EHBP1: variants seen among roughly 807,000 people sequenced by gnomAD.
The protein encoded by EHBP1 is EH domain binding protein 1.
A neutral mutation model predicts 144.0 loss-of-function variants in EHBP1; 55 were observed. The ratio of observed to expected loss-of-function variants is 0.38; its 90% confidence interval spans 0.31 to 0.48. EHBP1 has a LOEUF of 0.48. EHBP1 is among the 20% of genes least tolerant of loss of function. The probability of loss-of-function intolerance (pLI) is 0.98; values close to 1 mark genes in which losing one functional copy is unlikely to be tolerated. For missense variants in EHBP1, 1,200 were observed against 1,364.2 expected (o/e 0.88, Z 1.90); for synonymous variants, 469 against 472.7 (o/e 0.99, Z 0.10).
intron 14 of EHBP1, among the ~76,000 whole-genome samples, chr2:62,966,277 AT>A (rs201875669): frequency 1.3e-5 from 2 of 152,066 alleles, no homozygotes; most frequent in Non-Finnish European, 2.9e-5. Context: ...GAATAGTTAG[AT>A]TTTTTCCCCC....
At chr2:63,021,809 C>T (rs1187589821) in intron 19 of EHBP1, among the ~76,000 whole-genome samples, 5 of 151,940 alleles carry the variant, frequency 3.3e-5, no homozygotes, top group African/African-American at 7.3e-5. Context: ...CACTGTCGCC[C>T]GGGCTAGAGT....
chr2:62,729,708 G>T (rs956360445), intron 2 of EHBP1, among the ~76,000 whole-genome samples: 1 of 149,868 alleles, frequency 6.7e-6, no homozygotes, highest in African/African-American at 2.5e-5. Flanking sequence ...TGGGAGTAAA[G>T]TCCTAGAAAT....
Position 62,870,733 on chromosome 2 carries a change from A to T in EHBP1, c.999-3613A>T, listed in dbSNP as rs1003793906. Among the ~76,000 whole-genome samples, 303 of 147,914 alleles carry T rather than the reference A, an allele frequency of 2.0e-3. 1 individual carries two copies. The highest frequency in any genetic ancestry group is 6.9e-3 in the African/African-American group (277 of 40,244). On this transcript the variant is annotated intron_variant, in intron 9 of 22. Coordinates refer to ENST00000431489, the MANE Select transcript of EHBP1 (RefSeq NM_001142616.3). ...TGCATCTCAAAAAAAAAAAAAAAAAAAATACATATATATATATGTATTTAA... is the reference window on the plus strand; with the variant it reads ...TGCATCTCAAAAAAAAAAAAAAAAATAATACATATATATATATGTATTTAA...
Position 62,687,325 on chromosome 2 carries a change from C to T in EHBP1, c.-296+13242C>T, listed in dbSNP as rs548522467. 4.6e-5 allele frequency among the ~76,000 whole-genome samples: 7 copies of T among 152,286 alleles called. No individual in the cohort carries two copies. The South Asian group carries it at 8.3e-4, about 18-fold the overall frequency. On this transcript the variant is annotated intron_variant, in intron 1 of 22. Transcript: ENST00000405015. The stretch of plus-strand genomic sequence containing the variant: ...TTGATGGAAGGAGGTAGAAAACCTT[C>T]GTTTTGAATATTGGAAATAATAAAG...
chr2:62,950,866 G>T (rs1238941634), intron 13 of EHBP1, among the ~76,000 whole-genome samples: 1 of 152,042 alleles, frequency 6.6e-6, no homozygotes, highest in African/African-American at 2.4e-5. Context: ...TGTATTTTTA[G>T]TAGAGACGGT....
chr2:62,958,427 CTTGGAGATAT>C (rs2057830211), intron 14 of EHBP1, among the ~76,000 whole-genome samples: 1 of 152,102 alleles, frequency 6.6e-6, no homozygotes, highest in South Asian at 2.1e-4. Flanking sequence ...GTAAATGAAT[CTTGGAGATAT>C]TATGCTGCGA....
Position 62,943,815 on chromosome 2 carries a change from C to T in EHBP1, c.1378C>T (p.Leu460=). The part of the protein sequence containing the change: ...FRPDLIDYKS[L]NPQDIKENNK... ...TTTCTCCCTCAGTGACTACAAGTCT[C>T]TGAATCCTCAAGATATTAAAGAGAA... The change falls in exon 12 of 23, where the codon CTG becomes TTG. Residue 460 remains leucine, a synonymous_variant. Transcript: ENST00000431489. 6.2e-7 allele frequency: 1 copy of T among 1,602,274 alleles called. No homozygotes were observed. The highest frequency in any genetic ancestry group is 8.5e-7 in the Non-Finnish European group (1 of 1,172,550).
intron 9 of EHBP1, among the ~76,000 whole-genome samples, chr2:62,869,756 A>G (rs2050318001): frequency 6.6e-6 from 1 of 152,232 alleles, no homozygotes; most frequent in East Asian, 1.9e-4. Flanking sequence ...TACTCATTAA[A>G]TATTTTCAAA....
intron 13 of EHBP1, among the ~76,000 whole-genome samples, chr2:62,954,884 G>A (rs2057601220): frequency 6.6e-6 from 1 of 152,140 alleles, no homozygotes; most frequent in South Asian, 2.1e-4. Flanking sequence ...ACTGATCTCT[G>A]TTGATGGACA....
intron 10 of EHBP1, among the ~76,000 whole-genome samples, chr2:62,883,945 G>A (rs2051697744): frequency 6.6e-6 from 1 of 152,050 alleles, no homozygotes; most frequent in African/African-American, 2.4e-5. Context: ...ACTCCAGCCG[G>A]TATGGCAGAG....
At chr2:62,973,274 A>ATTAC (rs1376204367) in intron 14 of EHBP1, among the ~76,000 whole-genome samples, 1 of 152,218 alleles carries the variant, frequency 6.6e-6, no homozygotes, top group Non-Finnish European at 1.5e-5. Context: ...CAGCTATGTA[A>ATTAC]GAAGTTATTA....
At position 62,919,665 on chromosome 2, in the gene EHBP1, A is replaced by G. The variant is rs1335885967; in HGVS notation, c.1186-23053A>G. 2.0e-5 allele frequency among the ~76,000 whole-genome samples: 3 copies of G among 152,328 alleles called. No homozygotes were observed. In the East Asian group the frequency reaches 5.8e-4, roughly 29 times the overall value. On this transcript the variant is annotated intron_variant, in intron 10 of 22. Transcript: ENST00000431489. ...ATTGTGGCCCATTCAAAGGAAAGAA[A>G]CCAAGAGGAACTGTACCTGAGAAAG...
At chr2:62,750,713 G>T (rs2039610520) in intron 3 of EHBP1, among the ~76,000 whole-genome samples, 1 of 152,036 alleles carries the variant, frequency 6.6e-6, no homozygotes, top group East Asian at 1.9e-4. Flanking sequence ...CTTGTAAGTT[G>T]GATTCCTAGG....
chr2:62,839,143 A>G (rs1446620939), intron 7 of EHBP1, among the ~76,000 whole-genome samples: 1 of 150,174 alleles, frequency 6.7e-6, no homozygotes, highest in Non-Finnish European at 1.5e-5. Context: ...CTTATCCACC[A>G]TGATCAAGTG....
intron 3 of EHBP1, among the ~76,000 whole-genome samples, chr2:62,755,885 A>G (rs1247767827): frequency 6.6e-6 from 1 of 152,192 alleles, no homozygotes; most frequent in African/African-American, 2.4e-5. Flanking sequence ...AATTAGCTTG[A>G]ATGCCACATT....
intron 19 of EHBP1, among the ~76,000 whole-genome samples, chr2:63,029,529 C>A (rs977623513): frequency 1.3e-5 from 2 of 151,186 alleles, no homozygotes; most frequent in Admixed American, 1.3e-4. Context: ...ACCATCATCA[C>A]CCCCTTCATT....
At chr2:62,822,089 G>GT (rs892129663) in intron 5 of EHBP1, among the ~76,000 whole-genome samples, 6 of 151,264 alleles carry the variant, frequency 4.0e-5, no homozygotes, top group East Asian at 1.9e-4. Context: ...CTAACCAAAA[G>GT]TTTTTTTTTA....
chr2:63,030,844 G>A (rs2153343400), intron 19 of EHBP1, among the ~76,000 whole-genome samples: 1 of 137,600 alleles, frequency 7.3e-6, no homozygotes, highest in African/African-American at 2.8e-5. Flanking sequence ...CGTCCAGGCT[G>A]GAGTGCAGTG....
chr2:62,718,038 T>C (rs1000025612), intron 2 of EHBP1, among the ~76,000 whole-genome samples: 7 of 152,216 alleles, frequency 4.6e-5, no homozygotes, highest in African/African-American at 1.7e-4. Context: ...AGACTTTTCT[T>C]AGACCTTAAT....
Sources: allele counts gnomAD v4.1 joint callset (sites outside exome capture counted in the v4.1 genomes callset), GRCh38; gene constraint gnomAD v4.1.1; transcripts MANE v1.5; gene names NCBI Gene and HGNC (gene_info 2026-07-23, HGNC 2026-07-21).